PTPRT: variants seen among roughly 807,000 people sequenced by gnomAD.
The protein encoded by PTPRT is receptor-type tyrosine-protein phosphatase T.
A neutral mutation model predicts 176.8 loss-of-function variants in PTPRT; 56 were observed. That is an observed-to-expected ratio of 0.32 (90% CI 0.26 to 0.40). The LOEUF is 0.40. Among genes scored for constraint, PTPRT ranks in the 10% least tolerant of loss-of-function variants. The probability of loss-of-function intolerance (pLI) is 1.00; values close to 1 mark genes in which losing one functional copy is unlikely to be tolerated. For synonymous variants in PTPRT, 783 were observed against 739.0 expected (o/e 1.06, Z -0.96); for missense variants, 1,540 against 1,908.2 (o/e 0.81, Z 3.60).
chr20:42,404,149 A>G (rs2058936638), intron 9 of PTPRT, among the ~76,000 whole-genome samples: 1 of 152,202 alleles, frequency 6.6e-6, no homozygotes, highest in Admixed American at 6.5e-5. Context: ...ACAGTTGGAC[A>G]AAGCTTTGCA....
At chr20:43,094,078 T>C (rs1247838567) in intron 1 of PTPRT, among the ~76,000 whole-genome samples, 2 of 140,728 alleles carry the variant, frequency 1.4e-5, no homozygotes, top group Non-Finnish European at 3.0e-5. Context: ...TCTGTTTTTT[T>C]CTTTCTTTCT....
rs868852268 is a variant in PTPRT, at chr20:42,620,079, C to A, written c.1153+57787G>T. Reference sequence around the variant, plus strand: ...TTCCCCATCTTTGTGGTTTTATCTACTTTTGGTCTTTGATGATGGTGATGT... The same window carrying A: ...TTCCCCATCTTTGTGGTTTTATCTAATTTTGGTCTTTGATGATGGTGATGT... On this transcript the variant is annotated intron_variant, in intron 7 of 30. Coordinates refer to ENST00000373187, the MANE Select transcript of PTPRT (RefSeq NM_007050.6). Among the ~76,000 whole-genome samples, 638 of 147,996 alleles carry A rather than the reference C, an allele frequency of 4.3e-3. 6 individuals are homozygous for A. Among genetic ancestry groups the A allele is most frequent in the African/African-American group, 0.015 (600 of 38,824 alleles).
chr20:42,688,535 C>G (rs577228783), intron 6 of PTPRT: 11 of 152,308 alleles, frequency 7.2e-5, no homozygotes, highest in Non-Finnish European at 1.5e-4. Flanking sequence ...AATGGATTCC[C>G]TTCAATAAAA....
At chr20:42,567,234 A>G (rs2073054133) in intron 7 of PTPRT, among the ~76,000 whole-genome samples, 1 of 151,922 alleles carries the variant, frequency 6.6e-6, no homozygotes, top group African/African-American at 2.4e-5. Context: ...GATGGTGCCA[A>G]TGTACTTCCA....
Position 42,315,854 on chromosome 20 carries a change from G to A in PTPRT, c.2008C>T (p.Pro670Ser). The change falls in exon 12 of 31, where the codon CCT becomes TCT. Residue 670 changes from proline to serine, a missense_variant. Pro to Ser is a moderately conservative substitution (Grantham distance 74, BLOSUM62 -1). Around this residue, in one of 11 missense-constraint regions of PTPRT, gnomAD observed 81 missense variants for 89.9 expected, o/e 0.90. Coordinates refer to ENST00000373187, the MANE Select transcript of PTPRT (RefSeq NM_007050.6). ...SLHYFAAELKPANLPVTQPFT... is the reference protein window; with the variant it reads ...SLHYFAAELKSANLPVTQPFT... ...GGCTGGGTGACAGGCAGGTTGGCAGGCTTCAACTCAGCAGCAAAGTAGTGT... is the reference window on the plus strand; with the variant it reads ...GGCTGGGTGACAGGCAGGTTGGCAGACTTCAACTCAGCAGCAAAGTAGTGT... 6.2e-7 allele frequency: 1 copy of A among 1,614,116 alleles called. No homozygotes were observed. The highest frequency in any genetic ancestry group is 8.5e-7 in the Non-Finnish European group (1 of 1,180,032).
chr20:42,661,693 G>A (rs1569064011), intron 7 of PTPRT, among the ~76,000 whole-genome samples: 1 of 152,118 alleles, frequency 6.6e-6, no homozygotes, highest in Admixed American at 6.5e-5. Context: ...ATTGACCTTC[G>A]AGACCCCCTA....
In PTPRT at chr20:42,439,949, C is replaced by T. The variant is rs564358651; in HGVS notation, c.1560+8271G>A. Among the ~76,000 whole-genome samples the T allele has an allele frequency of 1.4e-4, 22 of 152,236 alleles. No individual in the cohort carries two copies. The South Asian group carries it at 2.3e-3, about 16-fold the overall frequency. ...TTTTGAGACAGTCTCGCTCTGTTGC[C>T]AGGCTGGAGTGCAGTGGCATGATCT... is the stretch of plus-strand genomic sequence containing the variant. On this transcript the variant is annotated intron_variant, in intron 9 of 30. Transcript: ENST00000373187.
intron 9 of PTPRT, among the ~76,000 whole-genome samples, chr20:42,372,552 T>G (rs1051302357): frequency 3.9e-5 from 6 of 152,140 alleles, no homozygotes; most frequent in African/African-American, 1.4e-4. Context: ...CCCAAAGTGC[T>G]GGGATTACAG....
intron 1 of PTPRT, among the ~76,000 whole-genome samples, chr20:43,048,086 G>A (rs1399336692): frequency 6.6e-6 from 1 of 152,172 alleles, no homozygotes; most frequent in East Asian, 1.9e-4. Flanking sequence ...GAGTACAAAG[G>A]TGGGGTCTCT....
intron 15 of PTPRT, among the ~76,000 whole-genome samples, chr20:42,220,738 T>TAGAG (rs2055866619): frequency 2.0e-5 from 3 of 152,164 alleles, no homozygotes; most frequent in Non-Finnish European, 4.4e-5. Context: ...CTCTCCAAGG[T>TAGAG]ACAACCCTTT....
intron 1 of PTPRT, among the ~76,000 whole-genome samples, chr20:42,970,345 C>T (rs1982552565): frequency 6.6e-6 from 1 of 152,162 alleles, no homozygotes; most frequent in African/African-American, 2.4e-5. Flanking sequence ...TCCAGACTTG[C>T]GCTTTTACAA....
chr20:42,877,797 G>C (rs766048862), intron 2 of PTPRT, among the ~76,000 whole-genome samples: 1 of 152,120 alleles, frequency 6.6e-6, no homozygotes, highest in Non-Finnish European at 1.5e-5. Context: ...CATCCACCTG[G>C]ATTGACTAGT....
At chr20:42,877,440 C>G (rs1011875408) in intron 2 of PTPRT, among the ~76,000 whole-genome samples, 1 of 152,068 alleles carries the variant, frequency 6.6e-6, no homozygotes, top group African/African-American at 2.4e-5. Flanking sequence ...GAGAGATACC[C>G]CAAATCAAGA....
At chr20:42,365,918 T>C (rs2058507754) in intron 9 of PTPRT, among the ~76,000 whole-genome samples, 4 of 152,302 alleles carry the variant, frequency 2.6e-5, no homozygotes, top group East Asian at 1.9e-4. Flanking sequence ...AATGCTAATA[T>C]TGGAGTTGCA....
At position 43,189,568 on chromosome 20, in the gene PTPRT, C is replaced by G; in HGVS notation, c.88+78G>C. ...CGCGAGCCCACACAACTTTCTCCTC[C>G]GAGGGCCCCGCGGCTGGGGGCCCGC... On this transcript the variant is annotated intron_variant, in intron 1 of 30. Coordinates refer to ENST00000373187, the MANE Select transcript of PTPRT (RefSeq NM_007050.6). This position sits in a 1 kb window ranked among gnomAD's most constrained non-coding sequence, Gnocchi z 5.0. The G allele has an allele frequency of 5.0e-6, 5 of 992,980 alleles. No homozygotes were observed. The highest frequency in any genetic ancestry group is 6.4e-6 in the Non-Finnish European group (5 of 782,220). The allele number at this position is 992,980 out of a possible 1,614,324, so 61.5% of individuals were successfully genotyped here.
intron 1 of PTPRT, among the ~76,000 whole-genome samples, chr20:42,992,588 A>C (rs532422100): frequency 2.1e-4 from 32 of 152,384 alleles, no homozygotes; most frequent in Middle Eastern, 3.4e-3. Context: ...GGCATGTGTC[A>C]AGATAGCTGA....
chr20:42,683,434 C>G (rs193170063), intron 6 of PTPRT, among the ~76,000 whole-genome samples: 17 of 152,058 alleles, frequency 1.1e-4, no homozygotes, highest in African/African-American at 3.6e-4. Context: ...CCTGTCACCA[C>G]GTCCAGCTAA....
intron 1 of PTPRT, among the ~76,000 whole-genome samples, chr20:43,108,025 TGGTTGCAACAATATCTCCCA>T (rs550151143): frequency 1.4e-3 from 214 of 152,324 alleles, no homozygotes; most frequent in African/African-American, 5.0e-3. Flanking sequence ...TTTTCAAAGA[TGGTTGCAACAATATCTCCCA>T]TCTCCATTTC....
At chr20:42,686,414 T>C (rs1036007908) in intron 6 of PTPRT, 2 of 143,500 alleles carry the variant, frequency 1.4e-5, no homozygotes, top group African/African-American at 5.0e-5. Context: ...TGGGTGGGAC[T>C]GAGCACCAGA....
Sources: allele counts gnomAD v4.1 joint callset (sites outside exome capture counted in the v4.1 genomes callset), GRCh38; gene constraint gnomAD v4.1.1; regional missense constraint gnomAD v4.1.1; non-coding constraint Gnocchi (gnomAD v3.1); transcripts MANE v1.5; gene names NCBI Gene and HGNC (gene_info 2026-07-23, HGNC 2026-07-21).